The following LIN52 variants were observed in gnomAD, a reference collection of about 807,000 sequenced individuals.
LIN52 encodes lin-52 DREAM MuvB core complex component.
In LIN52, 4 loss-of-function variants were observed where a neutral mutation model predicts 18.5. The observed-to-expected ratio is 0.22, with a 90% confidence interval of 0.11 to 0.49. The LOEUF (loss-of-function observed/expected upper bound fraction) is 0.49. Among genes scored for constraint, LIN52 ranks in the 20% least tolerant of loss-of-function variants. The pLI is 0.97. For synonymous variants in LIN52, 34 were observed against 45.5 expected, an observed-to-expected ratio of 0.75 and a Z score of 1.02; for missense variants, 102 against 139.5, an observed-to-expected ratio of 0.73 and a Z score of 1.35.
At chr14:74,135,437 T>C (rs1350533669) in intron 5 of LIN52, among the ~76,000 whole-genome samples, 1 of 152,278 alleles carries the variant, frequency 6.6e-6, no homozygotes, top group Non-Finnish European at 1.5e-5. Flanking sequence ...ATGATAAGCA[T>C]CAACCTATAG....
intron 5 of LIN52, among the ~76,000 whole-genome samples, chr14:74,129,731 A>T (rs10132934): frequency 6.6e-6 from 1 of 151,876 alleles, no homozygotes; most frequent in South Asian, 2.1e-4. Flanking sequence ...ACCTGTAGTC[A>T]CAGCTACTTG....
intron 5 of LIN52, among the ~76,000 whole-genome samples, chr14:74,122,746 A>G (rs2061007306): frequency 6.6e-6 from 1 of 152,142 alleles, no homozygotes. Flanking sequence ...GGCACCTGTA[A>G]TCCCAAATAC....
chr14:74,177,140 AG>A (rs1343020948), intron 5 of LIN52, among the ~76,000 whole-genome samples: 3 of 152,042 alleles, frequency 2.0e-5, no homozygotes, highest in African/African-American at 7.3e-5. Flanking sequence ...CTGGGATTAC[AG>A]GCATGTGTCA....
chr14:74,152,747 G>T (rs936891273), intron 5 of LIN52, among the ~76,000 whole-genome samples: 5 of 151,836 alleles, frequency 3.3e-5, no homozygotes, highest in African/African-American at 1.2e-4. Flanking sequence ...AGATCACAAG[G>T]TCAGGAGTTC....
chr14:74,125,452 T>C (rs1246719058), intron 5 of LIN52, among the ~76,000 whole-genome samples: 2 of 152,212 alleles, frequency 1.3e-5, no homozygotes, highest in African/African-American at 4.8e-5. Flanking sequence ...CGCCCACTTT[T>C]TGATGGGGTT....
chr14:74,119,789 G>T (rs1380208013), intron 5 of LIN52, among the ~76,000 whole-genome samples: 1 of 149,476 alleles, frequency 6.7e-6, no homozygotes, highest in African/African-American at 2.5e-5. Context: ...CCTTATTAGT[G>T]TCTCTTGCCC....
chr14:74,086,057 A>T (rs2060728323), intron 1 of LIN52, among the ~76,000 whole-genome samples: 1 of 152,070 alleles, frequency 6.6e-6, no homozygotes, highest in African/African-American at 2.4e-5. Context: ...TCACCTCCCA[A>T]AGAGTCTTTC....
chr14:74,185,864 C>T (rs764330816), intron 5 of LIN52, among the ~76,000 whole-genome samples: 47 of 152,122 alleles, frequency 3.1e-4, no homozygotes, highest in Non-Finnish European at 6.5e-4. Context: ...AGTTGTTTCT[C>T]ATCTTCAGTT....
intron 5 of LIN52, among the ~76,000 whole-genome samples, chr14:74,139,127 G>C (rs2061114919): frequency 6.6e-6 from 1 of 152,048 alleles, no homozygotes; most frequent in Non-Finnish European, 1.5e-5. Flanking sequence ...ATTTAAAAAA[G>C]GGATCCCACA....
intron 3 of LIN52, among the ~76,000 whole-genome samples, chr14:74,097,407 G>A (rs1488023501): frequency 6.7e-6 from 1 of 148,466 alleles, no homozygotes; most frequent in Non-Finnish European, 1.5e-5. Context: ...TATGTGACAA[G>A]CTGCATTTTT....
intron 2 of LIN52, among the ~76,000 whole-genome samples, chr14:74,095,291 C>T (rs1005999026): frequency 9.3e-5 from 14 of 151,134 alleles, no homozygotes; most frequent in African/African-American, 2.9e-4. Context: ...CACATCACTA[C>T]GCCTGGCTAA....
At chr14:74,198,847 TA>T in intron 5 of LIN52, 74 bp from the exon 6 acceptor site, 2 of 1,121,740 alleles carry the variant, frequency 1.8e-6, no homozygotes, top group Non-Finnish European at 2.7e-6. Context: ...TCTGCATTTT[TA>T]AATTAAATCT....
chr14:74,134,630 C>T (rs143136508), intron 5 of LIN52, among the ~76,000 whole-genome samples: 3 of 150,894 alleles, frequency 2.0e-5, no homozygotes, highest in African/African-American at 7.2e-5. Context: ...CCCTCTGGCC[C>T]CCCTCCCCCA....
chr14:74,191,253 C>T (rs944060484), intron 5 of LIN52, among the ~76,000 whole-genome samples: 7 of 152,230 alleles, frequency 4.6e-5, no homozygotes, highest in South Asian at 2.1e-4. Context: ...CTAGCTCCAT[C>T]TCAAAGGCAG....
chr14:74,185,180 G>C (rs1297835080), intron 5 of LIN52, among the ~76,000 whole-genome samples: 1 of 151,780 alleles, frequency 6.6e-6, no homozygotes, highest in African/African-American at 2.4e-5. Flanking sequence ...TATGAACAGG[G>C]TAGGTAAATA....
At chr14:74,165,105 A>G (rs2061242660) in intron 5 of LIN52, among the ~76,000 whole-genome samples, 1 of 152,226 alleles carries the variant, frequency 6.6e-6, no homozygotes, top group South Asian at 2.1e-4. Context: ...ATGTGCAAGT[A>G]AGGAAAAGTA....
At chr14:74,166,505 G>A (rs969331826) in intron 5 of LIN52, among the ~76,000 whole-genome samples, 5 of 152,178 alleles carry the variant, frequency 3.3e-5, no homozygotes, top group African/African-American at 4.8e-5. Flanking sequence ...GAGCCACCGC[G>A]CCCGGCCAAG....
At chr14:74,100,765 C>T (rs930691143) in intron 4 of LIN52, among the ~76,000 whole-genome samples, 2 of 152,140 alleles carry the variant, frequency 1.3e-5, no homozygotes, top group African/African-American at 4.8e-5. Context: ...CATGAGCCAC[C>T]ATGCCTGGCT....
chr14:74,098,972 T>A (rs1275106702), intron 4 of LIN52, among the ~76,000 whole-genome samples: 1 of 152,256 alleles, frequency 6.6e-6, no homozygotes, highest in Non-Finnish European at 1.5e-5. Flanking sequence ...ACCTATTTTT[T>A]ATTTTTTTAT....
Sources: allele counts gnomAD v4.1 joint callset (sites outside exome capture counted in the v4.1 genomes callset), GRCh38; gene constraint gnomAD v4.1.1; transcripts MANE v1.5; gene names NCBI Gene and HGNC (gene_info 2026-07-23, HGNC 2026-07-21).